Variants in CDH18 observed in about 807,000 individuals in gnomAD.
CDH18 encodes the protein cadherin-18.
Under a neutral mutation model 67.9 loss-of-function variants are expected in CDH18, and 31 were observed. That is an observed-to-expected ratio of 0.46 (90% CI 0.34 to 0.62). The LOEUF (loss-of-function observed/expected upper bound fraction) is 0.62. CDH18 is among the 20% of genes least tolerant of loss of function. CDH18 has a pLI of 0.01. For missense variants in CDH18, 890 were observed against 975.5 expected (o/e 0.91, Z 1.17); for synonymous variants, 362 against 347.2 (o/e 1.04, Z -0.48).
intron 1 of CDH18, among the ~76,000 whole-genome samples, chr5:20,328,504 TGTGTGAGA>T (rs1048779096): frequency 1.4e-4 from 15 of 108,008 alleles, no homozygotes; most frequent in African/African-American, 5.3e-4. Flanking sequence ...TGTGTGTGTG[TGTGTGAGA>T]GAGAGAGAGA....
intron 3 of CDH18, among the ~76,000 whole-genome samples, chr5:19,774,808 C>CAAAAAAAAAAAAAAAAAAAAAAAA (rs59248561): frequency 1.1e-4 from 4 of 35,416 alleles, no homozygotes; most frequent in African/African-American, 1.0e-4. Flanking sequence ...GACTCTGTCT[C>CAAAAAAAAAAAAAAAAAAAAAAAA]AAAAAAAAAA....
chr5:19,761,294 C>A (rs903316403), intron 3 of CDH18, among the ~76,000 whole-genome samples: 1 of 152,158 alleles, frequency 6.6e-6, no homozygotes, highest in Non-Finnish European at 1.5e-5. Flanking sequence ...TCATAATTTT[C>A]TTTCATCACT....
At chr5:20,204,213 A>G (rs1739697744) in intron 2 of CDH18, among the ~76,000 whole-genome samples, 1 of 152,084 alleles carries the variant, frequency 6.6e-6, no homozygotes, top group African/African-American at 2.4e-5. Context: ...ACTCTGCAAA[A>G]TAAAGGACAG....
intron 2 of CDH18, among the ~76,000 whole-genome samples, chr5:19,965,281 A>G (rs1240215345): frequency 6.6e-6 from 1 of 152,224 alleles, no homozygotes; most frequent in Non-Finnish European, 1.5e-5. Context: ...TATAATAAAC[A>G]TAAGTCTTAT....
intron 1 of CDH18, among the ~76,000 whole-genome samples, chr5:20,324,275 C>A (rs768408222): frequency 6.6e-6 from 1 of 152,132 alleles, no homozygotes; most frequent in East Asian, 1.9e-4. Flanking sequence ...GTGGGTGGCT[C>A]ACGCCTATAA....
chr5:20,033,156 G>A (rs1739549415), intron 2 of CDH18, among the ~76,000 whole-genome samples: 1 of 151,818 alleles, frequency 6.6e-6, no homozygotes, highest in Non-Finnish European at 1.5e-5. Flanking sequence ...GAAAGAGTAA[G>A]TGATTAACGA....
rs115357002 is a variant in CDH18 at position 20,192,533 on chromosome 5, A to G, written c.-518+62911T>C. Reference sequence around the variant, plus strand: ...ATCTTTACTTAATTTTTGAATAAGGAGTAAGGAAGGGGTCCTGTTTCAGTT... The same window carrying G: ...ATCTTTACTTAATTTTTGAATAAGGGGTAAGGAAGGGGTCCTGTTTCAGTT... On this transcript the variant is annotated intron_variant, in intron 2 of 14. Transcript: ENST00000507958. 6.8e-3 allele frequency among the ~76,000 whole-genome samples: 1,027 copies of G among 152,060 alleles called. 14 individuals carry two copies. The highest frequency in any genetic ancestry group is 0.024 in the African/African-American group (982 of 41,522).
intron 4 of CDH18, among the ~76,000 whole-genome samples, chr5:19,736,196 G>A (rs763625802): frequency 6.6e-6 from 1 of 152,124 alleles, no homozygotes; most frequent in Non-Finnish European, 1.5e-5. Context: ...ATTTTGTTCA[G>A]TGTGGGCAAC....
intron 1 of CDH18, among the ~76,000 whole-genome samples, chr5:20,377,958 TCCTTTAATGGAACAATTATGAATTTG>T (rs1275053261): frequency 1.9e-4 from 11 of 56,882 alleles, no homozygotes; most frequent in Non-Finnish European, 4.7e-4. Context: ...ATGAATTTGC[TCCTTTAATGGAACAATTATGAATTTG>T]CTCCTTGAAT....
chr5:19,778,233 C>T (rs1449921684), intron 3 of CDH18, among the ~76,000 whole-genome samples: 1 of 152,112 alleles, frequency 6.6e-6, no homozygotes, highest in Non-Finnish European at 1.5e-5. Flanking sequence ...CTACATTGAA[C>T]CTACATGATT....
intron 1 of CDH18, among the ~76,000 whole-genome samples, chr5:20,514,182 T>C (rs766990797): frequency 6.6e-6 from 1 of 152,100 alleles, no homozygotes; most frequent in African/African-American, 2.4e-5. Flanking sequence ...CTCCACCACA[T>C]TTTGTTATTT....
intron 8 of CDH18, among the ~76,000 whole-genome samples, chr5:19,550,590 A>C (rs1226875574): frequency 2.0e-5 from 3 of 152,212 alleles, no homozygotes; most frequent in Admixed American, 2.0e-4. Flanking sequence ...AAAGGACATG[A>C]ATTCATCATT....
intron 5 of CDH18, among the ~76,000 whole-genome samples, chr5:19,625,613 G>C (rs542700714): frequency 2.0e-5 from 3 of 152,082 alleles, no homozygotes; most frequent in African/African-American, 7.2e-5. Flanking sequence ...TCCTACTCAC[G>C]TGGACTTTTC....
chr5:20,135,038 A>T (rs925972936), intron 2 of CDH18, among the ~76,000 whole-genome samples: 8 of 152,056 alleles, frequency 5.3e-5, no homozygotes, highest in African/African-American at 1.9e-4. Flanking sequence ...TTTCCCCATG[A>T]GAGAGAAGAA....
chr5:20,083,984 A>G (rs929383570), intron 2 of CDH18, among the ~76,000 whole-genome samples: 1 of 151,976 alleles, frequency 6.6e-6, no homozygotes, highest in African/African-American at 2.4e-5. Context: ...GGTCCCTCCC[A>G]TATCTCATAT....
At chr5:20,314,309 A>T (rs985438885) in intron 1 of CDH18, among the ~76,000 whole-genome samples, 3 of 152,038 alleles carry the variant, frequency 2.0e-5, no homozygotes, top group Non-Finnish European at 4.4e-5. Context: ...ACTAAAGAAA[A>T]TAATAACCAA....
intron 2 of CDH18, among the ~76,000 whole-genome samples, chr5:20,075,861 C>A (rs965588819): frequency 6.6e-6 from 1 of 152,004 alleles, no homozygotes; most frequent in East Asian, 1.9e-4. Context: ...GCCATGTTCA[C>A]AGATAAAAAT....
intron 1 of CDH18, among the ~76,000 whole-genome samples, chr5:20,533,838 A>G (rs1756556725): frequency 6.6e-6 from 1 of 152,046 alleles, no homozygotes; most frequent in Non-Finnish European, 1.5e-5. Context: ...GCATTTTTAT[A>G]GCAGTATATT....
intron 5 of CDH18, among the ~76,000 whole-genome samples, chr5:19,720,201 C>T (rs1765900884): frequency 6.6e-6 from 1 of 152,052 alleles, no homozygotes; most frequent in African/African-American, 2.4e-5. Context: ...AATCTGTAGA[C>T]TTATGGAACA....
Sources: allele counts gnomAD v4.1 joint callset (sites outside exome capture counted in the v4.1 genomes callset), GRCh38; gene constraint gnomAD v4.1.1; transcripts MANE v1.5; gene names NCBI Gene and HGNC (gene_info 2026-07-23, HGNC 2026-07-21).